The following CMTR1 variants were observed in gnomAD, a reference collection of about 807,000 sequenced individuals.
The protein encoded by CMTR1 is cap methyltransferase 1.
Under a neutral mutation model 107.0 loss-of-function variants are expected in CMTR1, and 39 were observed. The ratio of observed to expected loss-of-function variants is 0.36; its 90% CI spans 0.28 to 0.48. CMTR1 has a LOEUF of 0.48. CMTR1 is among the 20% of genes least tolerant of loss of function. The probability of loss-of-function intolerance (pLI) is 0.99; values close to 1 mark genes in which losing one functional copy is unlikely to be tolerated. For missense variants in CMTR1, 672 were observed against 1,064.9 expected (o/e 0.63, Z 5.14); for synonymous variants, 366 against 379.5 (o/e 0.96, Z 0.41).
At chr6:37,474,487 A>G (rs956849123) in intron 17 of CMTR1, 37 bp from the exon 18 acceptor site, 6 of 1,608,822 alleles carry the variant, frequency 3.7e-6, no homozygotes, top group East Asian at 2.2e-5. Context: ...CTCGATCTCC[A>G]TGCCTTCCTT....
the CMTR1 span, among the ~76,000 whole-genome samples, chr6:37,427,369 G>T: frequency 6.6e-6 from 1 of 152,154 alleles, no homozygotes; most frequent in Non-Finnish European, 1.5e-5. The surrounding 1 kb of genome is among the most constrained non-coding windows in gnomAD (Gnocchi z 4.4). Flanking sequence ...TTTTATGGAA[G>T]ATTATATTTC....
intron 8 of CMTR1, among the ~76,000 whole-genome samples, chr6:37,454,002 C>T (rs1464230540): frequency 6.6e-6 from 1 of 152,176 alleles, no homozygotes; most frequent in Non-Finnish European, 1.5e-5. Context: ...TGGCCCTTTT[C>T]AAGAAGTGGT....
At chr6:37,462,585 T>C (rs1048265411) in intron 12 of CMTR1, among the ~76,000 whole-genome samples, 1 of 152,148 alleles carries the variant, frequency 6.6e-6, no homozygotes, top group Non-Finnish European at 1.5e-5. Flanking sequence ...CAGGTGATTG[T>C]GACACAGCCC....
intron 22 of CMTR1, 122 bp downstream of exon 22, chr6:37,478,643 G>GC: frequency 1.3e-6 from 1 of 750,822 alleles, no homozygotes; most frequent in Non-Finnish European, 2.3e-6. Context: ...TAGCAGCCAG[G>GC]CTGGCATTTC....
chr6:37,454,665 T>C (rs1050660930), intron 8 of CMTR1, among the ~76,000 whole-genome samples: 2 of 152,176 alleles, frequency 1.3e-5, no homozygotes, highest in Non-Finnish European at 2.9e-5. Flanking sequence ...GTAGAGGTGT[T>C]AGTTACATAG....
chr6:37,463,495 CTT>C (rs1465726709), intron 13 of CMTR1, among the ~76,000 whole-genome samples: 1 of 152,010 alleles, frequency 6.6e-6, no homozygotes, highest in African/African-American at 2.4e-5. Context: ...TCTGTATCTT[CTT>C]TGTTTTCCCC....
intron 2 of CMTR1, 75 bp from the exon 3 acceptor site, chr6:37,443,924 A>C: frequency 6.6e-7 from 1 of 1,517,030 alleles, no homozygotes; most frequent in East Asian, 2.3e-5. Flanking sequence ...CAGTAGTTGA[A>C]TAAATGAAAC....
chr6:37,460,662 A>C (rs1046634396), intron 10 of CMTR1, among the ~76,000 whole-genome samples: 3 of 152,186 alleles, frequency 2.0e-5, no homozygotes, highest in South Asian at 2.1e-4. Context: ...AGTCAGGGAC[A>C]CCTGGGGCGT....
upstream of CMTR1, among the ~76,000 whole-genome samples, chr6:37,430,869 C>T (rs1477805871): frequency 1.3e-5 from 2 of 151,976 alleles, no homozygotes; most frequent in Non-Finnish European, 2.9e-5. Flanking sequence ...AAAAAATTAG[C>T]CGGGCGTGGT....
At chr6:37,468,054 T>TGGG (rs528737088) in intron 13 of CMTR1, among the ~76,000 whole-genome samples, 57 of 137,244 alleles carry the variant, frequency 4.2e-4, no homozygotes, top group African/African-American at 1.3e-3. Context: ...CTCTGTTTTG[T>TGGG]GGGGGGGGGG....
At position 37,458,469 on chromosome 6, in the gene CMTR1, A is replaced by AT; in HGVS notation, c.778-140dup. On this transcript the variant is annotated intron_variant, in intron 8 of 23. Transcript: ENST00000373451. This position sits in a 1 kb window ranked among gnomAD's most constrained non-coding sequence, Gnocchi z 4.7. ...AAGGGTGTTAATCACCAGAAGATAC[A>AT]TTTCCTGGGTGCTGTAGCTCTGGTG... is the stretch of plus-strand genomic sequence containing the variant. 1 of 726,070 alleles carries AT rather than the reference A, an allele frequency of 1.4e-6. No homozygotes were observed. The highest frequency in any genetic ancestry group is 2.2e-6 in the Non-Finnish European group (1 of 447,132). 45.0% of individuals were successfully genotyped at this position (726,070 alleles called of 1,614,324 possible).
rs1761350073 is a variant in CMTR1 at position 37,458,911 on chromosome 6, C to T, written c.976+101C>T. On this transcript the variant is annotated intron_variant, in intron 9 of 23. Coordinates refer to ENST00000373451, the MANE Select transcript of CMTR1 (RefSeq NM_015050.3). The surrounding 1 kb of genome is among the most constrained non-coding windows in gnomAD (Gnocchi z 4.7). ...TTATCCACATGCCATATTTTCTTTC[C>T]TAGGTCTCTTACCCTGGGCTTCACA... is the stretch of plus-strand genomic sequence containing the variant. 5 of 1,093,364 alleles carry T rather than the reference C, an allele frequency of 4.6e-6. No individual in the cohort carries two copies. Among genetic ancestry groups the T allele is most frequent in the Non-Finnish European group, 6.6e-6 (5 of 753,186 alleles). The allele number at this position is 1,093,364 out of a possible 1,614,324, so 67.7% of individuals were successfully genotyped here.
At chr6:37,479,298 A>G (rs764130701) in intron 23 of CMTR1, 43 bp downstream of exon 23, 1 of 1,406,238 alleles carries the variant, frequency 7.1e-7, no homozygotes, top group Non-Finnish European at 1.0e-6. Flanking sequence ...AGCAGCCTCA[A>G]GTACTCCTGC....
In CMTR1 at chr6:37,474,567, G is replaced by A; in HGVS notation, c.1865G>A (p.Trp622Ter). The change falls in exon 18 of 24, where the codon TGG (tryptophan) becomes TAG (stop). Residue 622 changes from tryptophan to a stop codon, truncating the protein, a stop_gained. Transcript: ENST00000373451. LOFTEE classifies it high-confidence loss of function. ...YTWDGRQSDR[W>*]IKLDLKTELP... Reference sequence around the variant, plus strand: ...TGGGATGGCCGCCAGTCAGACCGCTGGATCAAGCTAGACCTGAAGACAGAG... The same window carrying A: ...TGGGATGGCCGCCAGTCAGACCGCTAGATCAAGCTAGACCTGAAGACAGAG... 6.2e-7 allele frequency: 1 copy of A among 1,614,056 alleles called. No homozygotes were observed. The highest frequency in any genetic ancestry group is 1.1e-5 in the South Asian group (1 of 91,082).
intron 17 of CMTR1, among the ~76,000 whole-genome samples, chr6:37,474,028 C>T (rs943812651): frequency 4.6e-5 from 7 of 152,192 alleles, no homozygotes; most frequent in Admixed American, 3.9e-4. Context: ...TGAGGGAAAG[C>T]CTTGGCAAGC....
chr6:37,473,503 A>G lies in CMTR1; in HGVS notation c.1723A>G (p.Thr575Ala), dbSNP rs761489778. The G allele has an allele frequency of 1.2e-6, 2 of 1,614,044 alleles. No homozygotes were observed. Among genetic ancestry groups the G allele is most frequent in the Admixed American group, 1.7e-5 (1 of 59,994 alleles). The change falls in exon 17 of 24, where the codon ACA becomes GCA. Residue 575 changes from threonine to alanine, a missense_variant. Around this residue, in one of 2 missense-constraint regions of CMTR1, gnomAD observed 583 missense variants for 968.4 expected, o/e 0.60. Coordinates refer to ENST00000373451, the MANE Select transcript of CMTR1 (RefSeq NM_015050.3). The part of the protein sequence containing the change: ...TEIDIFSYKP[T>A]LLTSKTLEKI... ...GATTGACATCTTCAGCTACAAGCCC[A>G]CACTGCTCACCTCTAAAACCCTGGA... is the stretch of plus-strand genomic sequence containing the variant.
chr6:37,442,367 C>T (rs975317694), intron 2 of CMTR1, among the ~76,000 whole-genome samples: 1 of 152,212 alleles, frequency 6.6e-6, no homozygotes, highest in African/African-American at 2.4e-5. Context: ...ACAGCTTGCA[C>T]TATTTGTAAG....
chr6:37,437,158 A>T (rs1357414424), intron 2 of CMTR1, among the ~76,000 whole-genome samples: 1 of 151,882 alleles, frequency 6.6e-6, no homozygotes, highest in Non-Finnish European at 1.5e-5. Flanking sequence ...ATTGCTTTGA[A>T]TGGGACCCAA....
At chr6:37,440,509 A>T (rs1414390123) in intron 2 of CMTR1, among the ~76,000 whole-genome samples, 1 of 152,216 alleles carries the variant, frequency 6.6e-6, no homozygotes, top group East Asian at 1.9e-4. Flanking sequence ...AAAAGAAAAA[A>T]ATAAGACTTA....
Sources: gnomAD v4.1 joint callset for allele counts (sites outside exome capture counted in the v4.1 genomes callset) on GRCh38, gnomAD v4.1.1 for gene constraint, gnomAD v4.1.1 regional missense constraint, Gnocchi (gnomAD v3.1) non-coding constraint, MANE v1.5 for transcripts, NCBI Gene and HGNC (gene_info 2026-07-23, HGNC 2026-07-21) for gene names.